KMT2A: variants seen among roughly 807,000 people sequenced by gnomAD.
KMT2A encodes histone-lysine N-methyltransferase 2A.
A neutral mutation model predicts 345.3 loss-of-function variants in KMT2A; 16 were observed. That is an observed-to-expected ratio of 0.05 (90% confidence interval 0.03 to 0.07). The LOEUF is 0.07. Ranked by LOEUF, KMT2A falls within the 10% of genes least tolerant of loss-of-function variation. KMT2A has a pLI of 1.00. For missense variants in KMT2A, 3,272 were observed against 4,841.6 expected, an observed-to-expected ratio of 0.68 and a Z score of 9.62; for synonymous variants, 1,599 against 1,778.6, an observed-to-expected ratio of 0.90 and a Z score of 2.54.
Position 118,473,388 on chromosome 11 carries a change from T to C in KMT2A, c.2229T>C (p.Pro743=). The C allele has an allele frequency of 6.2e-7, 1 of 1,614,206 alleles. No individual in the cohort carries two copies. The highest frequency in any genetic ancestry group is 8.5e-7 in the Non-Finnish European group (1 of 1,180,026). ...NRKRKRKVFS[P]IRSEPRSPSH... is the part of the protein sequence containing the mutation. ...AAAGGAAAAGAAAAGTGTTTAGTCC[T>C]ATTCGATCTGAACCAAGATCTCCTT... is the stretch of plus-strand genomic sequence containing the variant. The change falls in exon 3 of 36, where the codon CCT becomes CCC. Residue 743 remains proline (P), a synonymous_variant. Coordinates refer to ENST00000534358, the MANE Select transcript of KMT2A (RefSeq NM_001197104.2). The surrounding 1 kb of genome is among the most constrained non-coding windows in gnomAD (Gnocchi z 5.2).
Position 118,505,059 on chromosome 11 carries a change from G to T in KMT2A, c.9167G>T (p.Ser3056Ile), listed in dbSNP as rs781784128. ...NQKYVPNSTD[S>I]PGPSQISNAA... ...AAGTATGTGCCCAATTCTACTGATAGTCCTGGCCCGTCTCAGATTTCCAAT... is the reference window on the plus strand; with the variant it reads ...AAGTATGTGCCCAATTCTACTGATATTCCTGGCCCGTCTCAGATTTCCAAT... The change falls in exon 27 of 36, where the codon AGT becomes ATT. Residue 3056 changes from serine to isoleucine, a missense_variant. Transcript: ENST00000534358. The surrounding 1 kb of genome is among the most constrained non-coding windows in gnomAD (Gnocchi z 4.6). 1.1e-5 allele frequency: 18 copies of T among 1,613,972 alleles called. No homozygotes were observed. Among genetic ancestry groups the T allele is most frequent in the Non-Finnish European group, 1.4e-5 (16 of 1,180,040 alleles).
rs879987141 is a variant in KMT2A at position 118,476,204 on chromosome 11, T to C, written c.3157-601T>C. ...TGCAGGCGTGAGCCACCACCTATAC[T>C]TTCATTTATAAGTTATTTCACCCCT... On this transcript the variant is annotated intron_variant, in intron 3 of 35. Transcript: ENST00000534358. The surrounding 1 kb of genome is among the most constrained non-coding windows in gnomAD (Gnocchi z 4.1). Among the ~76,000 whole-genome samples, 2 of 152,296 alleles carry C rather than the reference T, an allele frequency of 1.3e-5. No homozygotes were observed. The highest frequency in any genetic ancestry group is 1.3e-4 in the Admixed American group (2 of 15,282).
At chr11:118,453,230 A>C (rs1475467227) in intron 1 of KMT2A, among the ~76,000 whole-genome samples, 1 of 152,064 alleles carries the variant, frequency 6.6e-6, no homozygotes, top group Non-Finnish European at 1.5e-5. Flanking sequence ...CTCACCTTTC[A>C]TTCTTTCCTC....
Position 118,491,112 on chromosome 11 carries a change from T to G in KMT2A, c.4697-84T>G. The G allele has an allele frequency of 2.2e-6, 3 of 1,365,028 alleles. No individual in the cohort carries two copies. Among genetic ancestry groups the G allele is most frequent in the Non-Finnish European group, 2.0e-6 (2 of 983,170 alleles). The allele number at this position is 1,365,028 out of a possible 1,614,324, so 84.6% of individuals were successfully genotyped here. ...GATCCCAGAAGAATATAGATTTAGA[T>G]TGGGTTGGTAAATGCAAGTCGAGGG... is the stretch of plus-strand genomic sequence containing the variant. On this transcript the variant is annotated intron_variant, in intron 13 of 35. Coordinates refer to ENST00000534358, the MANE Select transcript of KMT2A (RefSeq NM_001197104.2). This position sits in a 1 kb window ranked among gnomAD's most constrained non-coding sequence, Gnocchi z 4.2.
intron 1 of KMT2A, among the ~76,000 whole-genome samples, chr11:118,451,414 G>C (rs1192785190): frequency 6.6e-6 from 1 of 151,182 alleles, no homozygotes; most frequent in Non-Finnish European, 1.5e-5. Flanking sequence ...TTGAGACAGA[G>C]TCTTGCCCTG....
intron 1 of KMT2A, among the ~76,000 whole-genome samples, chr11:118,455,716 G>A (rs1304214875): frequency 7.5e-6 from 1 of 133,910 alleles, no homozygotes; most frequent in African/African-American, 2.8e-5. Context: ...ATTTTTTTTT[G>A]AGGCAGGGTC....
intron 1 of KMT2A, among the ~76,000 whole-genome samples, chr11:118,445,994 A>AT (rs1235259821): frequency 6.6e-6 from 1 of 151,858 alleles, no homozygotes; most frequent in Non-Finnish European, 1.5e-5. Context: ...AAAGAGCAAG[A>AT]CTCTGTCTCC....
At chr11:118,482,793 A>G (rs1017192508) in intron 8 of KMT2A, among the ~76,000 whole-genome samples, 4 of 150,606 alleles carry the variant, frequency 2.7e-5, no homozygotes, top group African/African-American at 9.7e-5. Flanking sequence ...TTAGCCAGGC[A>G]TGGTGGCAGT....
intron 29 of KMT2A, 46 bp from the exon 30 acceptor site, chr11:118,509,902 A>C (rs1555049603): frequency 2.8e-6 from 4 of 1,416,414 alleles, no homozygotes; most frequent in Non-Finnish European, 3.9e-6. Flanking sequence ...GTCAGTGCTC[A>C]GTGAGCATTT....
chr11:118,438,028 C>T (rs1392032120), intron 1 of KMT2A, among the ~76,000 whole-genome samples: 1 of 152,132 alleles, frequency 6.6e-6, no homozygotes, highest in East Asian at 1.9e-4. Flanking sequence ...CTTCTCTTCT[C>T]GTCATTTCAT....
Position 118,497,884 on chromosome 11 carries a change from C to T in KMT2A, c.5665-52C>T. ...CTGGAAAAGCTAATGCCGAGGAAAA[C>T]CTCCTTTGGCATTATATTCTTTAGG... On this transcript the variant is annotated intron_variant, in intron 20 of 35. Transcript: ENST00000534358. This position sits in a 1 kb window ranked among gnomAD's most constrained non-coding sequence, Gnocchi z 4.8. 5 of 1,458,222 alleles carry T rather than the reference C, an allele frequency of 3.4e-6. No homozygotes were observed. Among genetic ancestry groups the T allele is most frequent in the Non-Finnish European group, 4.8e-6 (5 of 1,047,612 alleles). The allele number at this position is 1,458,222 out of a possible 1,614,324, so 90.3% of individuals were successfully genotyped here. A position where few individuals can be genotyped will look rare whatever the true frequency, so the allele number is the denominator to read the frequency against.
In KMT2A at chr11:118,472,150, C is replaced by G. The variant is rs368926838; in HGVS notation, c.991C>G (p.Arg331Gly). 2.5e-6 allele frequency: 4 copies of G among 1,613,774 alleles called. No individual in the cohort carries two copies. In the African/African-American group the frequency reaches 5.3e-5, roughly 22 times the overall value. ...TGAACTGGAAAAGCCCCAGAAAGTC[C>G]GGAAAGACAAGGAAGGAACACCTCC... ...NSELEKPQKV[R>G]KDKEGTPPLT... Residue 331 changes from arginine (R) to glycine (G), a missense_variant, in exon 3 of 36, where the codon CGG (arginine) becomes GGG (glycine). Coordinates refer to ENST00000534358, the MANE Select transcript of KMT2A (RefSeq NM_001197104.2).
Position 118,478,080 on chromosome 11 carries a change from C to T in KMT2A, c.3448C>T (p.Arg1150Cys), listed in dbSNP as rs2134286837. Residue 1150 changes from arginine to cysteine, a missense_variant, in exon 5 of 36, where the codon CGT becomes TGT. This residue lies in a region of KMT2A where 26 missense variants were observed against 90.5 expected (regional missense o/e 0.29). Coordinates refer to ENST00000534358, the MANE Select transcript of KMT2A (RefSeq NM_001197104.2). ...CCAGGAACCTCCAGTAAAGAAAGGACGTCGATCGAGGCGGTGTGGGCAGTG... is the reference window on the plus strand; with the variant it reads ...CCAGGAACCTCCAGTAAAGAAAGGATGTCGATCGAGGCGGTGTGGGCAGTG... ...APQEPPVKKGRRSRRCGQCPG... is the reference protein window; with the variant it reads ...APQEPPVKKGCRSRRCGQCPG... The T allele has an allele frequency of 1.2e-6, 2 of 1,614,112 alleles. No individual in the cohort carries two copies. The highest frequency in any genetic ancestry group is 1.7e-6 in the Non-Finnish European group (2 of 1,180,022).
chr11:118,504,562 T>C lies in KMT2A; in HGVS notation c.8670T>C (p.Arg2890=), dbSNP rs781822139. Residue 2890 remains arginine (R), a synonymous_variant, in exon 27 of 36, where the codon CGT becomes CGC. Transcript: ENST00000534358. This position sits in a 1 kb window ranked among gnomAD's most constrained non-coding sequence, Gnocchi z 6.4. The part of the protein sequence containing the change: ...LGEGLGLDSN[R]EKDMGLFEVF... ...AAGGATTGGGTCTTGACAGTAATCGTGAAAAAGACATGGGTCTTTTTGAAG... is the reference window on the plus strand; with the variant it reads ...AAGGATTGGGTCTTGACAGTAATCGCGAAAAAGACATGGGTCTTTTTGAAG... 2 of 1,614,204 alleles carry C rather than the reference T, an allele frequency of 1.2e-6. No individual in the cohort carries two copies. The highest frequency in any genetic ancestry group is 1.7e-6 in the Non-Finnish European group (2 of 1,180,036).
At chr11:118,474,845 C>A (rs560334184) in intron 3 of KMT2A, among the ~76,000 whole-genome samples, 82 of 152,222 alleles carry the variant, frequency 5.4e-4, no homozygotes, top group African/African-American at 2.0e-3. Flanking sequence ...GAAGTACTGG[C>A]CAGGTGCGAT....
chr11:118,508,219 A>G (rs1440905819), intron 28 of KMT2A, among the ~76,000 whole-genome samples: 1 of 152,184 alleles, frequency 6.6e-6, no homozygotes, highest in African/African-American at 2.4e-5. Flanking sequence ...AACGTGGTAT[A>G]TATATGAATA....
At chr11:118,507,827 A>G (rs537112945) in intron 28 of KMT2A, 112 of 433,858 alleles carry the variant, frequency 2.6e-4, no homozygotes, top group Admixed American at 1.6e-3. Context: ...GCCGGGCGTG[A>G]TGGCGGGCGC....
chr11:118,464,530 ACT>A (rs1438752427), intron 1 of KMT2A, among the ~76,000 whole-genome samples: 2 of 144,470 alleles, frequency 1.4e-5, no homozygotes, highest in African/African-American at 5.2e-5. Flanking sequence ...CAAGAGGGAA[ACT>A]CTGTCTCAAA....
rs782424472 is a variant in KMT2A at position 118,523,180 on chromosome 11, A to G, written c.*1008A>G. The G allele has an allele frequency of 4.4e-5, 10 of 228,758 alleles. No homozygotes were observed. The highest frequency in any genetic ancestry group is 1.8e-4 in the African/African-American group (8 of 45,104). The allele number at this position is 228,758 out of a possible 1,614,324, so 14.2% of individuals were successfully genotyped here. On this transcript the variant is annotated 3_prime_UTR_variant, in exon 36 of 36. Coordinates refer to ENST00000534358, the MANE Select transcript of KMT2A (RefSeq NM_001197104.2). ...AGATTATTTAAATAGGATTTAAATC[A>G]TGCAACAACGAGAGTATCACAGCCA...
Sources: gnomAD v4.1 joint callset for allele counts (sites outside exome capture counted in the v4.1 genomes callset) on GRCh38, gnomAD v4.1.1 for gene constraint, gnomAD v4.1.1 regional missense constraint, Gnocchi (gnomAD v3.1) non-coding constraint, MANE v1.5 for transcripts, NCBI Gene and HGNC (gene_info 2026-07-23, HGNC 2026-07-21) for gene names.